The following CSMD1 variants were observed in gnomAD, a reference collection of about 807,000 sequenced individuals.
CSMD1 encodes CUB and Sushi multiple domains 1.
CSMD1 carries 213 observed loss-of-function variants against 417.5 expected under a neutral mutation model. That is an observed-to-expected ratio of 0.51 (90% CI 0.46 to 0.57). The LOEUF (loss-of-function observed/expected upper bound fraction) is 0.57. CSMD1 is among the 20% of genes least tolerant of loss of function. The pLI is 0.00. For missense variants in CSMD1, 6,923 were observed against 4,529.7 expected (o/e 1.53, Z -15.17); for synonymous variants, 2,862 against 1,736.8 (o/e 1.65, Z -16.11).
At chr8:4,972,765 C>G (rs1810320667) in intron 1 of CSMD1, among the ~76,000 whole-genome samples, 1 of 146,226 alleles carries the variant, frequency 6.8e-6, no homozygotes, top group Non-Finnish European at 1.5e-5. Context: ...TTCCAGCTAT[C>G]TAAATGACAG....
chr8:3,981,791 G>A (rs1443779021), intron 5 of CSMD1, among the ~76,000 whole-genome samples: 3 of 152,316 alleles, frequency 2.0e-5, no homozygotes, highest in Middle Eastern at 3.4e-3. Flanking sequence ...AAAGTCAAGA[G>A]AAGAGGCAGT....
At chr8:3,464,976 C>G (rs1816716446) in intron 12 of CSMD1, among the ~76,000 whole-genome samples, 1 of 152,168 alleles carries the variant, frequency 6.6e-6, no homozygotes, top group South Asian at 2.1e-4. Context: ...CTCTCTCTCT[C>G]TCGTTCTGTG....
At chr8:4,406,452 A>G (rs180694574) in intron 3 of CSMD1, among the ~76,000 whole-genome samples, 10 of 152,340 alleles carry the variant, frequency 6.6e-5, no homozygotes, top group Admixed American at 3.3e-4. Flanking sequence ...CAAATTTCTG[A>G]TAAATCTACT....
intron 6 of CSMD1, among the ~76,000 whole-genome samples, chr8:3,748,101 G>A (rs1166701864): frequency 2.0e-5 from 3 of 152,118 alleles, no homozygotes; most frequent in East Asian, 1.9e-4. Context: ...TCAGTCGCTT[G>A]GAACCCATAG....
intron 20 of CSMD1, among the ~76,000 whole-genome samples, chr8:3,362,474 G>C (rs995444058): frequency 6.6e-6 from 1 of 152,128 alleles, no homozygotes; most frequent in Non-Finnish European, 1.5e-5. Flanking sequence ...TCCTTTCTTA[G>C]CTCCCTGGAT....
chr8:4,439,461 TTA>T (rs1563174172), intron 2 of CSMD1, among the ~76,000 whole-genome samples: 1 of 152,142 alleles, frequency 6.6e-6, no homozygotes, highest in African/African-American at 2.4e-5. Context: ...CCTAACATTC[TTA>T]TGTTTTCCTA....
At chr8:3,648,875 G>C (rs1797708744) in intron 7 of CSMD1, among the ~76,000 whole-genome samples, 1 of 152,112 alleles carries the variant, frequency 6.6e-6, no homozygotes, top group South Asian at 2.1e-4. Flanking sequence ...CAGTTCAGCA[G>C]TTTCTGGTAG....
intron 3 of CSMD1, among the ~76,000 whole-genome samples, chr8:4,068,435 T>C (rs1283986611): frequency 6.6e-6 from 1 of 152,114 alleles, no homozygotes; most frequent in Non-Finnish European, 1.5e-5. Context: ...TTACAGAAAA[T>C]TAAATGTATA....
intron 1 of CSMD1, among the ~76,000 whole-genome samples, chr8:4,932,024 T>C (rs1242865412): frequency 1.3e-5 from 2 of 152,182 alleles, no homozygotes; most frequent in Admixed American, 1.3e-4. Flanking sequence ...TAGCTACTAA[T>C]AAATAAAATG....
At chr8:4,257,983 A>G (rs928681981) in intron 3 of CSMD1, among the ~76,000 whole-genome samples, 3 of 152,178 alleles carry the variant, frequency 2.0e-5, no homozygotes, top group Admixed American at 6.5e-5. Flanking sequence ...CCATAAAAGA[A>G]TATCATAGAA....
At chr8:2,980,232 T>C (rs982316667) in intron 54 of CSMD1, among the ~76,000 whole-genome samples, 2 of 152,174 alleles carry the variant, frequency 1.3e-5, no homozygotes, top group Admixed American at 1.3e-4. Context: ...GTGGAAGACT[T>C]TGACCATCTC....
intron 5 of CSMD1, among the ~76,000 whole-genome samples, chr8:3,782,107 G>T (rs981111709): frequency 6.6e-6 from 1 of 152,152 alleles, no homozygotes; most frequent in Non-Finnish European, 1.5e-5. Context: ...TGAGAGCCAT[G>T]AAGAATGTAG....
At chr8:4,651,518 G>C (rs918816781) in intron 1 of CSMD1, among the ~76,000 whole-genome samples, 12 of 152,246 alleles carry the variant, frequency 7.9e-5, no homozygotes, top group African/African-American at 2.4e-4. Flanking sequence ...AAAAAATAAA[G>C]TTTACTGGTT....
At chr8:3,453,156 T>C (rs1169838400) in intron 12 of CSMD1, among the ~76,000 whole-genome samples, 1 of 152,226 alleles carries the variant, frequency 6.6e-6, no homozygotes, top group Admixed American at 6.5e-5. Context: ...ATGGGATTGG[T>C]GGTGATATCC....
intron 26 of CSMD1, among the ~76,000 whole-genome samples, chr8:3,243,030 C>T (rs913791525): frequency 3.9e-5 from 6 of 152,008 alleles, no homozygotes; most frequent in South Asian, 2.1e-4. Context: ...ACGGATAAAA[C>T]GTGTCTCCTT....
intron 4 of CSMD1, among the ~76,000 whole-genome samples, chr8:4,007,017 T>C (rs1215154811): frequency 6.6e-6 from 1 of 151,918 alleles, no homozygotes; most frequent in African/African-American, 2.4e-5. Context: ...TGTGTGTATT[T>C]TTAGTAGAGA....
intron 44 of CSMD1, 103 bp from the exon 45 acceptor site, chr8:3,107,901 A>G: frequency 1.4e-6 from 1 of 709,358 alleles, no homozygotes; most frequent in Non-Finnish European, 2.4e-6. Context: ...ATGCTTAAGT[A>G]CACGGACTGA....
At chr8:4,921,356 T>G (rs898945288) in intron 1 of CSMD1, among the ~76,000 whole-genome samples, 1 of 152,190 alleles carries the variant, frequency 6.6e-6, no homozygotes, top group Admixed American at 6.5e-5. Flanking sequence ...GTTTTAATCT[T>G]CCTAAGCTAT....
At chr8:4,000,980 T>G (rs974748597) in intron 4 of CSMD1, among the ~76,000 whole-genome samples, 1 of 151,924 alleles carries the variant, frequency 6.6e-6, no homozygotes, top group African/African-American at 2.4e-5. Context: ...CTGCTGAAAC[T>G]ACATACATTC....
Sources: allele counts gnomAD v4.1 joint callset (sites outside exome capture counted in the v4.1 genomes callset), GRCh38; gene constraint gnomAD v4.1.1; transcripts MANE v1.5; gene names NCBI Gene and HGNC (gene_info 2026-07-23, HGNC 2026-07-21).